The following OR4F17 variants were observed in gnomAD, a reference collection of about 807,000 sequenced individuals.
OR4F17 encodes olfactory receptor family 4 subfamily F member 17, also known as olfactory receptor 4F17.
For synonymous variants in OR4F17, 1 was observed against 120.7 expected (o/e 0.01, Z 6.50); for missense variants, 1 against 323.6 (o/e 0.00, Z 7.65).
At chr19:109,968 G>T (rs1215073736) in intron 2 of OR4F17, among the ~76,000 whole-genome samples, 1 of 151,686 alleles carries the variant, frequency 6.6e-6, no homozygotes, top group Non-Finnish European at 1.5e-5. Context: ...TTCACATTGA[G>T]TCCAGAGCTA....
intron 2 of OR4F17, among the ~76,000 whole-genome samples, chr19:109,958 T>A (rs1352278146): frequency 2.0e-5 from 3 of 151,958 alleles, no homozygotes; most frequent in Admixed American, 1.3e-4. Flanking sequence ...TCCCTTCCAA[T>A]TCACATTGAG....
At chr19:109,980 A>T (rs1173231360) in intron 2 of OR4F17, among the ~76,000 whole-genome samples, 1 of 151,232 alleles carries the variant, frequency 6.6e-6, no homozygotes, top group Admixed American at 6.6e-5. Context: ...CCAGAGCTAA[A>T]TTAAACAATC....
chr19:108,820 C>G (rs1968666508), intron 2 of OR4F17, among the ~76,000 whole-genome samples: 1 of 152,172 alleles, frequency 6.6e-6, no homozygotes, highest in Non-Finnish European at 1.5e-5. Context: ...CAGTGCTAAG[C>G]AGAAGAGAAC....
chr19:108,370 A>G (rs1265295617), intron 2 of OR4F17, among the ~76,000 whole-genome samples: 8 of 151,798 alleles, frequency 5.3e-5, no homozygotes, highest in African/African-American at 1.9e-4. Context: ...TAGAATAAAT[A>G]CAATTCTTCT....
intron 2 of OR4F17, among the ~76,000 whole-genome samples, chr19:110,174 T>A (rs1968687480): frequency 6.7e-6 from 1 of 149,652 alleles, no homozygotes; most frequent in African/African-American, 2.4e-5. Context: ...TTTTATCCTC[T>A]GTTAATTTTT....
intron 2 of OR4F17, among the ~76,000 whole-genome samples, chr19:108,013 ATATATAT>A (rs1217819893): frequency 2.1e-3 from 118 of 55,198 alleles, no homozygotes; most frequent in Non-Finnish European, 3.1e-3. Context: ...TTATTATATA[ATATATAT>A]TATATATTAT....
intron 2 of OR4F17, among the ~76,000 whole-genome samples, chr19:108,721 A>C (rs1402171731): frequency 6.6e-6 from 1 of 151,942 alleles, no homozygotes; most frequent in Non-Finnish European, 1.5e-5. Context: ...CAAAAGAAAC[A>C]GTCCAACCAA....
At chr19:109,585 TTAA>T (rs1968679307) in intron 2 of OR4F17, among the ~76,000 whole-genome samples, 1 of 127,322 alleles carries the variant, frequency 7.9e-6, no homozygotes, top group South Asian at 3.2e-4. Flanking sequence ...TATCAGTACC[TTAA>T]TAATGGCTAT....
intron 2 of OR4F17, 24 bp downstream of exon 2, chr19:107,579 G>A (rs1386521169): frequency 2.1e-6 from 1 of 473,732 alleles, no homozygotes; most frequent in Non-Finnish European, 4.1e-6. Flanking sequence ...TGCTAGAGTT[G>A]TGAGGATTTT....
At chr19:107,252 AT>A (rs1406201522) in intron 1 of OR4F17, 95 bp downstream of exon 1, 1 of 205,224 alleles carries the variant, frequency 4.9e-6, no homozygotes, top group African/African-American at 3.4e-5. Context: ...GTAGGAATCT[AT>A]TCTGCATAAT....
chr19:109,852 C>T, intron 2 of OR4F17, among the ~76,000 whole-genome samples: 1 of 152,066 alleles, frequency 6.6e-6, no homozygotes, highest in Non-Finnish European at 1.5e-5. Context: ...TCTTACAGGT[C>T]TTCATTCACC....
chr19:108,181 T>C (rs1390401716), intron 2 of OR4F17, among the ~76,000 whole-genome samples: 3 of 135,776 alleles, frequency 2.2e-5, no homozygotes, highest in Non-Finnish European at 3.1e-5. Flanking sequence ...ATTATATAAA[T>C]ATATTTATAT....
At chr19:108,394 T>C in intron 2 of OR4F17, among the ~76,000 whole-genome samples, 1 of 151,858 alleles carries the variant, frequency 6.6e-6, no homozygotes, top group Non-Finnish European at 1.5e-5. Flanking sequence ...TTTTTTTGAA[T>C]AATTTTTAAA....
chr19:108,122 TTATATTTA>T (rs1599953133), intron 2 of OR4F17, among the ~76,000 whole-genome samples: 7 of 131,088 alleles, frequency 5.3e-5, no homozygotes, highest in South Asian at 4.4e-4. Flanking sequence ...ATAATATATA[TTATATTTA>T]TATATAACAT....
intron 2 of OR4F17, among the ~76,000 whole-genome samples, chr19:109,210 C>T: frequency 6.6e-6 from 1 of 152,206 alleles, no homozygotes; most frequent in Non-Finnish European, 1.5e-5. Flanking sequence ...TTCAGGACAC[C>T]TTTTATTTGT....
chr19:107,809 ATAT>A (rs1420583327), intron 2 of OR4F17, among the ~76,000 whole-genome samples: 2 of 123,528 alleles, frequency 1.6e-5, no homozygotes, highest in African/African-American at 5.9e-5. Flanking sequence ...TATATAATAT[ATAT>A]TATATAATAT....
intron 2 of OR4F17, among the ~76,000 whole-genome samples, chr19:108,116 T>A (rs575520240): frequency 9.8e-4 from 128 of 130,788 alleles, no homozygotes; most frequent in Non-Finnish European, 1.6e-3. Context: ...TAGAATATAA[T>A]ATATATTATA....
At chr19:107,727 A>G (rs1163862019) in intron 2 of OR4F17, among the ~76,000 whole-genome samples, 172 bp downstream of exon 2, 1 of 144,164 alleles carries the variant, frequency 6.9e-6, no homozygotes, top group Non-Finnish European at 1.5e-5. Context: ...GAGACTTACT[A>G]TAAGGACATA....
intron 2 of OR4F17, among the ~76,000 whole-genome samples, chr19:107,778 A>T (rs1048058780): frequency 3.1e-5 from 4 of 130,670 alleles, no homozygotes; most frequent in African/African-American, 1.1e-4. Context: ...CTATATATTT[A>T]TATATATTAC....
Sources: allele counts gnomAD v4.1 joint callset (sites outside exome capture counted in the v4.1 genomes callset), GRCh38; gene constraint gnomAD v4.1.1; transcripts MANE v1.5; gene names NCBI Gene and HGNC (gene_info 2026-07-23, HGNC 2026-07-21).